NSMCE2: variants seen among roughly 807,000 people sequenced by gnomAD.
NSMCE2 encodes the protein E3 SUMO-protein ligase NSE2.
A neutral mutation model predicts 23.8 loss-of-function variants in NSMCE2; 24 were observed. The observed-to-expected ratio is 1.01, with a 90% confidence interval of 0.73 to 1.42. The LOEUF (loss-of-function observed/expected upper bound fraction) is 1.42, where lower values mean the gene tolerates loss of function less well. Among genes scored for constraint, NSMCE2 ranks in the 40% most tolerant of loss-of-function variants. NSMCE2 has a pLI of 0.00. For synonymous variants in NSMCE2, 92 were observed against 94.1 expected (o/e 0.98, Z 0.13); for missense variants, 284 against 296.5 (o/e 0.96, Z 0.31).
intron 3 of NSMCE2, among the ~76,000 whole-genome samples, chr8:125,139,826 A>G (rs1820267032): frequency 6.6e-6 from 1 of 152,210 alleles, no homozygotes; most frequent in African/African-American, 2.4e-5. Flanking sequence ...AAATTTTGTC[A>G]TTAAACTGAA....
intron 5 of NSMCE2, among the ~76,000 whole-genome samples, chr8:125,204,629 C>T (rs1824031648): frequency 6.6e-6 from 1 of 152,134 alleles, no homozygotes; most frequent in Admixed American, 6.6e-5. Flanking sequence ...GTACATTTTC[C>T]TCCTGCTGTA....
At chr8:125,096,634 CTTTTT>C (rs34656029) in intron 1 of NSMCE2, among the ~76,000 whole-genome samples, 2 of 80,436 alleles carry the variant, frequency 2.5e-5, no homozygotes, top group Non-Finnish European at 4.3e-5. Flanking sequence ...GTGTGGAATC[CTTTTT>C]TTTTTTTTTT....
intron 5 of NSMCE2, among the ~76,000 whole-genome samples, chr8:125,294,053 A>C (rs1378594148): frequency 6.6e-6 from 1 of 152,246 alleles, no homozygotes; most frequent in Non-Finnish European, 1.5e-5. Context: ...TCATATAAAC[A>C]TGCATATGTG....
rs576070435 is a variant in NSMCE2 at position 125,323,991 on chromosome 8, G to GA, written c.419-33224dup. Among the ~76,000 whole-genome samples, 13 of 152,076 alleles carry GA rather than the reference G, an allele frequency of 8.5e-5. No homozygotes were observed. The South Asian group carries it at 2.7e-3, about 32-fold the overall frequency. On this transcript the variant is annotated intron_variant, in intron 5 of 7. Transcript: ENST00000287437. ...CTCCCAAAAATGGAAAAAAGATTTT[G>GA]AAAAGATACTGAAATGAACAACAAC...
intron 3 of NSMCE2, among the ~76,000 whole-genome samples, chr8:125,131,577 A>G (rs1021468078): frequency 1.3e-5 from 2 of 152,066 alleles, no homozygotes; most frequent in Non-Finnish European, 2.9e-5. Flanking sequence ...GTGCAACACC[A>G]TGGTAGCTTT....
At chr8:125,327,323 A>G (rs947572857) in intron 5 of NSMCE2, among the ~76,000 whole-genome samples, 23 of 152,032 alleles carry the variant, frequency 1.5e-4, no homozygotes, top group African/African-American at 5.3e-4. Flanking sequence ...TAATTGAAAT[A>G]TAATTACTGA....
chr8:125,364,631 C>T (rs1813704774), intron 7 of NSMCE2, among the ~76,000 whole-genome samples: 1 of 152,106 alleles, frequency 6.6e-6, no homozygotes, highest in Admixed American at 6.5e-5. Context: ...GGGTGCATGC[C>T]TGTGTGGGAT....
intron 5 of NSMCE2, among the ~76,000 whole-genome samples, chr8:125,267,364 A>G (rs1253446202): frequency 2.0e-5 from 3 of 152,180 alleles, no homozygotes; most frequent in East Asian, 3.9e-4. Flanking sequence ...TGAGACAAAT[A>G]TGTGTAAAGG....
chr8:125,154,041 A>AT (rs1821178838), intron 4 of NSMCE2, among the ~76,000 whole-genome samples: 1 of 152,110 alleles, frequency 6.6e-6, no homozygotes, highest in Non-Finnish European at 1.5e-5. Context: ...AAATAAGATT[A>AT]TTTTTTTAAA....
At chr8:125,135,168 T>C (rs1819999869) in intron 3 of NSMCE2, among the ~76,000 whole-genome samples, 1 of 152,156 alleles carries the variant, frequency 6.6e-6, no homozygotes, top group Non-Finnish European at 1.5e-5. Flanking sequence ...TCCACCTGCC[T>C]TGGTCTCCCA....
intron 4 of NSMCE2, among the ~76,000 whole-genome samples, chr8:125,177,403 C>A (rs1341709702): frequency 6.6e-6 from 1 of 152,176 alleles, no homozygotes; most frequent in Non-Finnish European, 1.5e-5. Flanking sequence ...ATCTTTAGCA[C>A]TCTCATTCCC....
At chr8:125,239,756 C>T (rs1487287434) in intron 5 of NSMCE2, among the ~76,000 whole-genome samples, 2 of 151,940 alleles carry the variant, frequency 1.3e-5, no homozygotes, top group Admixed American at 1.3e-4. Context: ...TAAAAATATA[C>T]CCAGAATTTG....
intron 4 of NSMCE2, chr8:125,156,156 G>A: frequency 4.5e-6 from 1 of 224,444 alleles, no homozygotes; most frequent in East Asian, 1.6e-4. Context: ...TAGTCTCAGA[G>A]TTTAGCAAAA....
At chr8:125,321,985 A>G (rs1469882601) in intron 5 of NSMCE2, among the ~76,000 whole-genome samples, 4 of 152,092 alleles carry the variant, frequency 2.6e-5, no homozygotes, top group Admixed American at 2.0e-4. Flanking sequence ...TGTCACTTAC[A>G]TATTTTCTTT....
At chr8:125,099,620 G>A (rs1407911512) in intron 1 of NSMCE2, among the ~76,000 whole-genome samples, 1 of 152,124 alleles carries the variant, frequency 6.6e-6, no homozygotes, top group African/African-American at 2.4e-5. Flanking sequence ...ACTGCTGGCT[G>A]ATAGGTCAAA....
chr8:125,137,458 TCTAAG>T (rs1820130787), intron 3 of NSMCE2, among the ~76,000 whole-genome samples: 1 of 152,210 alleles, frequency 6.6e-6, no homozygotes, highest in Non-Finnish European at 1.5e-5. Context: ...GATATGCTAA[TCTAAG>T]GCAGTTGCTA....
chr8:125,211,906 AT>A (rs1824361375), intron 5 of NSMCE2, among the ~76,000 whole-genome samples: 1 of 152,172 alleles, frequency 6.6e-6, no homozygotes, highest in African/African-American at 2.4e-5. Context: ...TTGACTTTAT[AT>A]TCCTTAACTT....
At position 125,231,421 on chromosome 8, in the gene NSMCE2, CTTTG is replaced by C. The variant is rs558170921; in HGVS notation, c.418+49170_418+49173del. On this transcript the variant is annotated intron_variant, in intron 5 of 7. Transcript: ENST00000287437. ...CAAAGGGATTAAAGCATCTGAAGAC[CTTTG>C]TTTGAGTTCTGCCACTTTAGTAGTG... Among the ~76,000 whole-genome samples, 64 of 152,254 alleles carry C rather than the reference CTTTG, an allele frequency of 4.2e-4. No individual in the cohort carries two copies. The South Asian group carries it at 0.012, about 28-fold the overall frequency.
chr8:125,199,323 A>G (rs1446362190), intron 5 of NSMCE2, among the ~76,000 whole-genome samples: 1 of 152,190 alleles, frequency 6.6e-6, no homozygotes, highest in Non-Finnish European at 1.5e-5. Flanking sequence ...ATCTAGTGCT[A>G]TAAATTTTCC....
Sources: gnomAD v4.1 joint callset for allele counts (sites outside exome capture counted in the v4.1 genomes callset) on GRCh38, gnomAD v4.1.1 for gene constraint, MANE v1.5 for transcripts, NCBI Gene and HGNC (gene_info 2026-07-23, HGNC 2026-07-21) for gene names.